The following EPB41 variants were observed in gnomAD, a reference collection of about 807,000 sequenced individuals.
EPB41 encodes erythrocyte membrane protein band 4.1.
A neutral mutation model predicts 108.0 loss-of-function variants in EPB41; 65 were observed. That is an observed-to-expected ratio of 0.60 (90% CI 0.49 to 0.74). EPB41 has a LOEUF of 0.74. Ranked by LOEUF, EPB41 falls within the 30% of genes least tolerant of loss-of-function variation. EPB41 has a pLI of 0.00. For synonymous variants in EPB41, 336 were observed against 358.9 expected, an observed-to-expected ratio of 0.94 and a Z score of 0.72; for missense variants, 875 against 1,037.0, an observed-to-expected ratio of 0.84 and a Z score of 2.15.
At chr1:28,927,197 C>A (rs1405379567) in intron 1 of EPB41, among the ~76,000 whole-genome samples, 1 of 152,188 alleles carries the variant, frequency 6.6e-6, no homozygotes, top group Non-Finnish European at 1.5e-5. Context: ...GAAAGATATA[C>A]CTTATTGTCT....
At position 29,091,306 on chromosome 1, in the gene EPB41, A is replaced by G. The variant is rs563958437; in HGVS notation, c.2185-6501A>G. 4.6e-5 allele frequency among the ~76,000 whole-genome samples: 7 copies of G among 151,058 alleles called. No homozygotes were observed. In the South Asian group the frequency reaches 1.4e-3, roughly 31 times the overall value. On this transcript the variant is annotated intron_variant, in intron 16 of 20. Coordinates refer to ENST00000343067, the MANE Select transcript of EPB41 (RefSeq NM_001376013.1). ...GTGACAAATTATTTGAAGAAGCCCA[A>G]AGTTCCTCTCCATGTGAATGGGTTT...
At chr1:29,081,659 A>T (rs1656682853) in intron 16 of EPB41, among the ~76,000 whole-genome samples, 1 of 152,112 alleles carries the variant, frequency 6.6e-6, no homozygotes, top group African/African-American at 2.4e-5. Flanking sequence ...AACATCGAGA[A>T]ACCCTGTCTC....
chr1:28,999,294 C>A (rs2149715708), intron 4 of EPB41, among the ~76,000 whole-genome samples: 1 of 152,260 alleles, frequency 6.6e-6, no homozygotes, highest in African/African-American at 2.4e-5. Flanking sequence ...GGCGTGAGCC[C>A]AGGAGGGGGC....
chr1:29,107,908 A>G (rs1417434506), intron 17 of EPB41, among the ~76,000 whole-genome samples: 6 of 148,838 alleles, frequency 4.0e-5, no homozygotes, highest in African/African-American at 7.4e-5. Flanking sequence ...GCGTGCCTAT[A>G]TTCCCAGCTA....
chr1:29,023,252 G>T (rs1326688689), intron 7 of EPB41, among the ~76,000 whole-genome samples: 1 of 151,756 alleles, frequency 6.6e-6, no homozygotes, highest in Non-Finnish European at 1.5e-5. Context: ...GCCTTGGCCT[G>T]CTAAGGTGCT....
At chr1:29,062,525 A>T (rs555143875) in intron 15 of EPB41, among the ~76,000 whole-genome samples, 2 of 152,328 alleles carry the variant, frequency 1.3e-5, no homozygotes, top group African/African-American at 4.8e-5. Flanking sequence ...GATTGCTGCT[A>T]AAATTATGAA....
chr1:28,957,739 A>G (rs971459570), intron 1 of EPB41, among the ~76,000 whole-genome samples: 7 of 152,132 alleles, frequency 4.6e-5, no homozygotes, highest in Admixed American at 1.3e-4. Context: ...CATTGTTTTT[A>G]AGAATTGGTC....
chr1:29,061,533 T>G (rs992940031), intron 15 of EPB41, among the ~76,000 whole-genome samples: 2 of 148,824 alleles, frequency 1.3e-5, no homozygotes, highest in Non-Finnish European at 3.0e-5. Flanking sequence ...CCTCCCAAAG[T>G]GCTGGGGTTA....
upstream of EPB41, among the ~76,000 whole-genome samples, chr1:28,910,839 C>G (rs1225679872): frequency 6.6e-6 from 1 of 151,860 alleles, no homozygotes; most frequent in African/African-American, 2.4e-5. Flanking sequence ...GGAAGGAACA[C>G]AAGGGGTAGG....
At chr1:29,101,723 G>A (rs1488061366) in intron 17 of EPB41, among the ~76,000 whole-genome samples, 3 of 151,874 alleles carry the variant, frequency 2.0e-5, no homozygotes, top group Non-Finnish European at 2.9e-5. Flanking sequence ...AAAGTTTATC[G>A]ATACTAACAA....
At chr1:28,957,187 A>G (rs962982286) in intron 1 of EPB41, among the ~76,000 whole-genome samples, 6 of 152,262 alleles carry the variant, frequency 3.9e-5, no homozygotes, top group Non-Finnish European at 8.8e-5. Context: ...GAATAGTACC[A>G]CACTACCTAG....
At chr1:28,944,533 G>GTTTTTTTTTTTTTTTTTTTTTT (rs1557761714) in intron 1 of EPB41, among the ~76,000 whole-genome samples, 1 of 106,618 alleles carries the variant, frequency 9.4e-6, no homozygotes, top group African/African-American at 3.9e-5. Flanking sequence ...TCTCAGATCT[G>GTTTTTTTTTTTTTTTTTTTTTT]GTTTTTTTTT....
Position 29,119,269 on chromosome 1 carries a change from G to A in EPB41, c.*2457G>A, listed in dbSNP as rs1258527490. 6.6e-6 allele frequency: 1 copy of A among 152,554 alleles called. No individual in the cohort carries two copies. The highest frequency in any genetic ancestry group is 1.5e-5 in the Non-Finnish European group (1 of 68,026). The allele number at this position is 152,554 out of a possible 1,614,324, so 9.5% of individuals were successfully genotyped here. ...AGTTCTTGGGGTTTGGCAATTGTTT[G>A]GATTTTTTTTCTTTCTGCAGTTGTG... On this transcript the variant is annotated 3_prime_UTR_variant, in exon 21 of 21. Coordinates refer to ENST00000343067, the MANE Select transcript of EPB41 (RefSeq NM_001376013.1).
chr1:28,965,975 G>T (rs2095346703), intron 1 of EPB41, among the ~76,000 whole-genome samples: 1 of 152,086 alleles, frequency 6.6e-6, no homozygotes, highest in African/African-American at 2.4e-5. Flanking sequence ...CTGAGGTCAG[G>T]AGTTAGAAAC....
At chr1:29,085,381 AT>A (rs1178882163) in intron 16 of EPB41, among the ~76,000 whole-genome samples, 2 of 151,682 alleles carry the variant, frequency 1.3e-5, no homozygotes, top group Non-Finnish European at 2.9e-5. Flanking sequence ...CTGATCTCAA[AT>A]GATCCGCCTG....
intron 7 of EPB41, among the ~76,000 whole-genome samples, chr1:29,022,372 TAAA>T (rs370103452): frequency 9.0e-6 from 1 of 111,544 alleles, no homozygotes. Flanking sequence ...ATTGATATAA[TAAA>T]AAAAAAAAAA....
At chr1:28,985,203 A>T (rs904233320) in intron 1 of EPB41, among the ~76,000 whole-genome samples, 1 of 151,918 alleles carries the variant, frequency 6.6e-6, no homozygotes, top group African/African-American at 2.4e-5. Context: ...ACCTCAGGTG[A>T]TCTGCCCGCC....
At chr1:28,888,346 C>T (rs1032414743) in intron 1 of EPB41, among the ~76,000 whole-genome samples, 3 of 152,236 alleles carry the variant, frequency 2.0e-5, no homozygotes, top group Non-Finnish European at 2.9e-5. Flanking sequence ...AGAGCCCTGG[C>T]ACGCGCCCCG....
intron 5 of EPB41, among the ~76,000 whole-genome samples, chr1:29,013,373 G>A (rs1185355746): frequency 2.0e-5 from 3 of 151,438 alleles, no homozygotes; most frequent in Admixed American, 2.0e-4. Context: ...TCAACATGGG[G>A]GAAAAAAACA....
Sources: allele counts gnomAD v4.1 joint callset (sites outside exome capture counted in the v4.1 genomes callset), GRCh38; gene constraint gnomAD v4.1.1; transcripts MANE v1.5; gene names NCBI Gene and HGNC (gene_info 2026-07-23, HGNC 2026-07-21).